Variants in GLIS3 observed in about 807,000 individuals in gnomAD.
GLIS3 encodes the protein GLIS family zinc finger 3.
GLIS3 carries 53 observed loss-of-function variants against 78.6 expected under a neutral mutation model. The ratio of observed to expected loss-of-function variants is 0.67; its 90% CI spans 0.54 to 0.85. The LOEUF (loss-of-function observed/expected upper bound fraction) is 0.85, where lower values mean the gene tolerates loss of function less well. Among genes scored for constraint, GLIS3 ranks in the 40% least tolerant of loss-of-function variants. The pLI is 0.00. For missense variants in GLIS3, 1,703 were observed against 1,231.1 expected (o/e 1.38, Z -5.74); for synonymous variants, 684 against 509.9 (o/e 1.34, Z -4.60).
intron 4 of GLIS3, among the ~76,000 whole-genome samples, chr9:4,016,889 G>A (rs1007587144): frequency 2.0e-5 from 3 of 152,086 alleles, no homozygotes; most frequent in African/African-American, 4.8e-5. Context: ...ACACTTAAAC[G>A]GCACAAGGAA....
intron 8 of GLIS3, among the ~76,000 whole-genome samples, chr9:3,868,671 G>C (rs1820766618): frequency 6.6e-6 from 1 of 152,122 alleles, no homozygotes; most frequent in Non-Finnish European, 1.5e-5. Context: ...ATGTGTGCAA[G>C]AGTCACTACA....
Position 4,121,060 on chromosome 9 carries a change from C to T in GLIS3, c.597-2179G>A, listed in dbSNP as rs550877525. On this transcript the variant is annotated intron_variant, in intron 3 of 10. Coordinates refer to ENST00000381971, the MANE Select transcript of GLIS3 (RefSeq NM_001042413.2). ...AGACAATTATATATTTTTCAGAAAGCAAATTCTATATTCTATTCATTAAAG... is the reference window on the plus strand; with the variant it reads ...AGACAATTATATATTTTTCAGAAAGTAAATTCTATATTCTATTCATTAAAG... Among the ~76,000 whole-genome samples, 5 of 152,314 alleles carry T rather than the reference C, an allele frequency of 3.3e-5. No homozygotes were observed. The South Asian group carries it at 8.3e-4, about 25-fold the overall frequency.
At chr9:4,484,726 C>G in the GLIS3 span, among the ~76,000 whole-genome samples, 2 of 152,012 alleles carry the variant, frequency 1.3e-5, no homozygotes, top group East Asian at 1.9e-4. Flanking sequence ...GTAGGCCAAA[C>G]TAACTTTAGG....
the GLIS3 span, among the ~76,000 whole-genome samples, chr9:4,449,461 G>C: frequency 1.4e-4 from 22 of 152,232 alleles, no homozygotes; most frequent in Non-Finnish European, 2.9e-4. Context: ...TCTCTGAAGA[G>C]AGCAGTGGTT....
chr9:4,374,837 C>A, the GLIS3 span, among the ~76,000 whole-genome samples: 1 of 152,278 alleles, frequency 6.6e-6, no homozygotes. Context: ...CTGCCATCAA[C>A]ACACATGCAC....
intron 6 of GLIS3, among the ~76,000 whole-genome samples, chr9:3,915,952 G>C (rs570006070): frequency 2.0e-5 from 3 of 152,082 alleles, no homozygotes; most frequent in African/African-American, 4.8e-5. Flanking sequence ...TCAGTGTGGG[G>C]GCCATATTTT....
chr9:4,163,030 G>A (rs1450969551), intron 2 of GLIS3, among the ~76,000 whole-genome samples: 1 of 152,188 alleles, frequency 6.6e-6, no homozygotes, highest in Non-Finnish European at 1.5e-5. Context: ...TGAGGATGGA[G>A]AGGGGAAGTA....
intron 2 of GLIS3, among the ~76,000 whole-genome samples, chr9:4,154,823 G>C (rs1205145612): frequency 1.3e-5 from 2 of 152,106 alleles, no homozygotes; most frequent in South Asian, 4.1e-4. Flanking sequence ...GACATATTTA[G>C]ACATTTAGAC....
intron 4 of GLIS3, among the ~76,000 whole-genome samples, chr9:4,100,462 G>A (rs550134431): frequency 1.6e-4 from 25 of 152,252 alleles, no homozygotes; most frequent in African/African-American, 5.1e-4. Flanking sequence ...GCTCACTTCC[G>A]ATACACCATG....
At chr9:4,416,326 C>G in the GLIS3 span, among the ~76,000 whole-genome samples, 3 of 147,630 alleles carry the variant, frequency 2.0e-5, no homozygotes, top group Non-Finnish European at 4.5e-5. Flanking sequence ...TACAACTGTT[C>G]CATCACCTTT....
intron 2 of GLIS3, among the ~76,000 whole-genome samples, chr9:4,228,680 G>A (rs1821993958): frequency 6.6e-6 from 1 of 152,122 alleles, no homozygotes; most frequent in Admixed American, 6.5e-5. Flanking sequence ...AGGCCTTCAG[G>A]TAAACACATC....
chr9:4,314,477 G>A (rs1817410028), intron 2 of GLIS3, among the ~76,000 whole-genome samples: 2 of 152,194 alleles, frequency 1.3e-5, no homozygotes, highest in South Asian at 2.1e-4. Flanking sequence ...GGTAAATACT[G>A]CTTTTTCCAT....
rs1010490812 is a variant in GLIS3 at position 4,244,949 on chromosome 9, C to T, written c.388+41089G>A. ...CAAATATTTTTAAGTTCTCATTCTA[C>T]GTTAAAGAATACTTTTAAATTATAG... On this transcript the variant is annotated intron_variant, in intron 2 of 10. Coordinates refer to ENST00000381971, the MANE Select transcript of GLIS3 (RefSeq NM_001042413.2). Among the ~76,000 whole-genome samples the T allele has an allele frequency of 4.6e-5, 7 of 152,136 alleles. No individual in the cohort carries two copies. The East Asian group carries it at 5.8e-4, about 13-fold the overall frequency.
At chr9:4,050,700 A>T (rs1247540224) in intron 4 of GLIS3, among the ~76,000 whole-genome samples, 1 of 152,118 alleles carries the variant, frequency 6.6e-6, no homozygotes, top group Non-Finnish European at 1.5e-5. Context: ...AGGGGCCTTT[A>T]TTGTTTTTAT....
chr9:3,832,356 A>C (rs1010746378), intron 9 of GLIS3, among the ~76,000 whole-genome samples: 2 of 152,208 alleles, frequency 1.3e-5, no homozygotes, highest in South Asian at 4.1e-4. Flanking sequence ...ATTTAACAAT[A>C]ACCAATGTAA....
At chr9:4,197,561 C>T (rs1818982097) in intron 2 of GLIS3, among the ~76,000 whole-genome samples, 1 of 152,224 alleles carries the variant, frequency 6.6e-6, no homozygotes, top group Non-Finnish European at 1.5e-5. Flanking sequence ...TGTCCGCCCA[C>T]TGGATTCTCC....
chr9:4,373,162 C>T, the GLIS3 span, among the ~76,000 whole-genome samples: 1 of 152,190 alleles, frequency 6.6e-6, no homozygotes, highest in Admixed American at 6.5e-5. Context: ...CAAAATGATG[C>T]TTACTTATAT....
the GLIS3 span, among the ~76,000 whole-genome samples, chr9:4,364,708 C>G: frequency 4.4e-4 from 35 of 80,278 alleles, no homozygotes; most frequent in South Asian, 0.012. Flanking sequence ...TTTTATTACA[C>G]TTTATATATA....
chr9:3,996,769 G>C (rs918075197), intron 4 of GLIS3, among the ~76,000 whole-genome samples: 1 of 152,022 alleles, frequency 6.6e-6, no homozygotes, highest in Non-Finnish European at 1.5e-5. Flanking sequence ...GAATAATAAA[G>C]TTAACAAATT....
Sources: allele counts gnomAD v4.1 joint callset (sites outside exome capture counted in the v4.1 genomes callset), GRCh38; gene constraint gnomAD v4.1.1; transcripts MANE v1.5; gene names NCBI Gene and HGNC (gene_info 2026-07-23, HGNC 2026-07-21).